KHDRBS2: variants seen among roughly 807,000 people sequenced by gnomAD.
KHDRBS2 encodes the protein KH RNA binding domain containing, signal transduction associated 2.
A neutral mutation model predicts 44.3 loss-of-function variants in KHDRBS2; 26 were observed. That is an observed-to-expected ratio of 0.59 (90% CI 0.43 to 0.81). The LOEUF (loss-of-function observed/expected upper bound fraction) is 0.81, where lower values mean the gene tolerates loss of function less well. Ranked by LOEUF, KHDRBS2 falls within the 40% of genes least tolerant of loss-of-function variation. The pLI, the probability that KHDRBS2 is intolerant of heterozygous loss-of-function variation, is 0.00. For synonymous variants in KHDRBS2, 194 were observed against 151.1 expected (o/e 1.28, Z -2.08); for missense variants, 476 against 433.1 (o/e 1.10, Z -0.88).
chr6:61,570,592 A>G, the KHDRBS2 span, among the ~76,000 whole-genome samples: 1 of 152,166 alleles, frequency 6.6e-6, no homozygotes, highest in Non-Finnish European at 1.5e-5. Context: ...TTCATCGGAA[A>G]AAAATCATCA....
intron 7 of KHDRBS2, among the ~76,000 whole-genome samples, chr6:61,708,207 AAAAT>A (rs1476429824): frequency 6.6e-6 from 1 of 151,618 alleles, no homozygotes; most frequent in Non-Finnish European, 1.5e-5. Context: ...CATTGTTATG[AAAAT>A]AAACCACATC....
chr6:61,762,844 A>G (rs936396369), intron 6 of KHDRBS2, among the ~76,000 whole-genome samples: 3 of 152,112 alleles, frequency 2.0e-5, no homozygotes, highest in African/African-American at 7.2e-5. Context: ...TATTTCAGAA[A>G]CCAGAAGGTT....
At chr6:61,861,388 G>T (rs1416274521) in intron 6 of KHDRBS2, among the ~76,000 whole-genome samples, 1 of 152,010 alleles carries the variant, frequency 6.6e-6, no homozygotes, top group Non-Finnish European at 1.5e-5. Flanking sequence ...GACAATTTTT[G>T]TATATGGTGT....
intron 1 of KHDRBS2, among the ~76,000 whole-genome samples, chr6:62,227,856 G>A (rs1832178309): frequency 6.6e-6 from 1 of 152,084 alleles, no homozygotes; most frequent in African/African-American, 2.4e-5. Flanking sequence ...AACCAGCGTT[G>A]ACCCTAGGGA....
chr6:62,108,695 C>T (rs1584757263), intron 2 of KHDRBS2, among the ~76,000 whole-genome samples: 1 of 152,134 alleles, frequency 6.6e-6, no homozygotes, highest in East Asian at 1.9e-4. Flanking sequence ...TTGGAACCAA[C>T]CCAAATGTCC....
chr6:62,254,047 A>G (rs1836978531), intron 1 of KHDRBS2, among the ~76,000 whole-genome samples: 1 of 152,046 alleles, frequency 6.6e-6, no homozygotes, highest in Non-Finnish European at 1.5e-5. Flanking sequence ...ACAGAAACTC[A>G]TTCACATGGG....
intron 6 of KHDRBS2, among the ~76,000 whole-genome samples, chr6:61,856,348 T>A (rs1030757983): frequency 1.3e-4 from 20 of 152,256 alleles, no homozygotes; most frequent in African/African-American, 4.1e-4. Context: ...ATTACCCTGA[T>A]AACAACAGAA....
chr6:62,136,176 G>T (rs1290904054), intron 2 of KHDRBS2, among the ~76,000 whole-genome samples: 1 of 152,042 alleles, frequency 6.6e-6, no homozygotes, highest in Admixed American at 6.5e-5. Context: ...CATCATGTTG[G>T]ATACCTTAAA....
chr6:61,926,618 G>A (rs1809021089), intron 4 of KHDRBS2, among the ~76,000 whole-genome samples: 1 of 152,092 alleles, frequency 6.6e-6, no homozygotes, highest in Non-Finnish European at 1.5e-5. Context: ...GGAATAGGTT[G>A]GGCCAGTAAT....
intron 2 of KHDRBS2, among the ~76,000 whole-genome samples, chr6:62,094,684 T>G (rs964067677): frequency 6.6e-6 from 1 of 151,992 alleles, no homozygotes; most frequent in Non-Finnish European, 1.5e-5. Context: ...AGTACTTTTG[T>G]AGTTTCAGTT....
the KHDRBS2 span, among the ~76,000 whole-genome samples, chr6:61,543,825 T>A: frequency 6.6e-6 from 1 of 152,076 alleles, no homozygotes; most frequent in African/African-American, 2.4e-5. Context: ...TGGAGGTCAT[T>A]TTGTTAAGTG....
intron 2 of KHDRBS2, among the ~76,000 whole-genome samples, chr6:62,124,069 T>G (rs1210616563): frequency 6.6e-6 from 1 of 152,176 alleles, no homozygotes; most frequent in Admixed American, 6.5e-5. Context: ...ATTGCTAAAT[T>G]TGATGGACCC....
chr6:62,232,824 T>C (rs1217695418), intron 1 of KHDRBS2, among the ~76,000 whole-genome samples: 2 of 152,080 alleles, frequency 1.3e-5, no homozygotes, highest in African/African-American at 4.8e-5. Flanking sequence ...ATGGTAATTA[T>C]TTGACATTTT....
At chr6:61,581,946 G>C in the KHDRBS2 span, among the ~76,000 whole-genome samples, 1 of 151,558 alleles carries the variant, frequency 6.6e-6, no homozygotes, top group Non-Finnish European at 1.5e-5. Context: ...TTTAAATCTA[G>C]ACATAAGTAA....
chr6:61,980,051 T>G (rs1329908295), intron 3 of KHDRBS2, among the ~76,000 whole-genome samples: 12 of 152,090 alleles, frequency 7.9e-5, no homozygotes, highest in Non-Finnish European at 1.6e-4. Context: ...ACTAGCTCAT[T>G]ATGGAGCTCA....
rs555896321 is a variant in KHDRBS2, at chr6:61,805,659, G to A, written c.811-72895C>T. Among the ~76,000 whole-genome samples the A allele has an allele frequency of 3.3e-5, 5 of 152,226 alleles. No homozygotes were observed. In the South Asian group the frequency reaches 8.3e-4, roughly 25 times the overall value. ...AGGAAATTTATAATCATGGCAGTAG[G>A]CACCTCTTCACAGGGGAGCAGGAGA... is the stretch of plus-strand genomic sequence containing the variant. On this transcript the variant is annotated intron_variant, in intron 6 of 8. Coordinates refer to ENST00000281156, the MANE Select transcript of KHDRBS2 (RefSeq NM_152688.4).
intron 6 of KHDRBS2, among the ~76,000 whole-genome samples, chr6:61,858,249 A>AG (rs1491163776): frequency 6.9e-6 from 1 of 144,796 alleles, no homozygotes; most frequent in Non-Finnish European, 1.5e-5. Flanking sequence ...ATGCAATTTA[A>AG]GAAAAAAAAA....
intron 4 of KHDRBS2, among the ~76,000 whole-genome samples, chr6:61,925,727 A>C (rs1460152885): frequency 1.5e-4 from 21 of 141,178 alleles, no homozygotes; most frequent in Admixed American, 2.8e-4. Context: ...CTCTCTCTCA[A>C]AAAAAAAAAA....
At chr6:61,896,608 A>G (rs1480280816) in intron 5 of KHDRBS2, among the ~76,000 whole-genome samples, 1 of 152,106 alleles carries the variant, frequency 6.6e-6, no homozygotes, top group Non-Finnish European at 1.5e-5. Context: ...CTCTCCTCCA[A>G]TTTAATTCAA....
Sources: gnomAD v4.1 joint callset for allele counts (sites outside exome capture counted in the v4.1 genomes callset) on GRCh38, gnomAD v4.1.1 for gene constraint, MANE v1.5 for transcripts, NCBI Gene and HGNC (gene_info 2026-07-23, HGNC 2026-07-21) for gene names.